Variants in MTA3 observed in about 807,000 individuals in gnomAD.
MTA3 encodes the protein metastasis associated 1 family member 3.
MTA3 carries 34 observed loss-of-function variants against 83.5 expected under a neutral mutation model. That is an observed-to-expected ratio of 0.41 (90% confidence interval 0.31 to 0.54). The LOEUF (loss-of-function observed/expected upper bound fraction) is 0.54, where lower values mean the gene tolerates loss of function less well. MTA3 is among the 20% of genes least tolerant of loss of function. MTA3 has a pLI of 0.33. For synonymous variants in MTA3, 303 were observed against 252.7 expected (o/e 1.20, Z -1.89); for missense variants, 761 against 726.4 (o/e 1.05, Z -0.55).
At chr2:42,647,155 T>TAAAAAAAAAAA (rs1553373420) in intron 6 of MTA3, among the ~76,000 whole-genome samples, 1 of 92,076 alleles carries the variant, frequency 1.1e-5, no homozygotes, top group Non-Finnish European at 2.0e-5. Flanking sequence ...AGACTCTGTC[T>TAAAAAAAAAAA]AAAAAAAAAA....
At chr2:42,675,789 G>C (rs771472394) in intron 8 of MTA3, among the ~76,000 whole-genome samples, 21 of 152,116 alleles carry the variant, frequency 1.4e-4, no homozygotes, top group East Asian at 3.9e-4. Flanking sequence ...TTCTCTACTG[G>C]ATTTTGTCTC....
rs577044307 is a variant in MTA3 at position 42,734,498 on chromosome 2, A to G, written c.1759+11463A>G. Among the ~76,000 whole-genome samples, 103 of 126,440 alleles carry G rather than the reference A, an allele frequency of 8.1e-4. 2 individuals are homozygous for G. The highest frequency in any genetic ancestry group is 2.6e-3 in the African/African-American group (89 of 33,968). The allele number at this position is 126,440 out of a possible 152,430, so 82.9% of individuals were successfully genotyped here. A position where few individuals can be genotyped will look rare whatever the true frequency, so the allele number is the denominator to read the frequency against. On this transcript the variant is annotated intron_variant, in intron 16 of 16. Coordinates refer to ENST00000405094, the MANE Select transcript of MTA3 (RefSeq NM_001330442.2). The stretch of plus-strand genomic sequence containing the variant: ...TTTTTTTTTTTTTTTTTTTTAATCC[A>G]TTCAACCACTTTATGTCTTTTGGTT...
At chr2:42,537,128 C>T (rs1017713207) in intron 2 of MTA3, among the ~76,000 whole-genome samples, 1 of 152,162 alleles carries the variant, frequency 6.6e-6, no homozygotes, top group African/African-American at 2.4e-5. Flanking sequence ...CCACATTCTA[C>T]ACCTGTTAGG....
At chr2:42,605,849 CCCA>C (rs1683262759) in intron 3 of MTA3, among the ~76,000 whole-genome samples, 1 of 134,534 alleles carries the variant, frequency 7.4e-6, no homozygotes, top group Non-Finnish European at 1.6e-5. Flanking sequence ...GGCTGACCCC[CCCA>C]CCTCCCTCCT....
rs1375615789 is a variant in MTA3, at chr2:42,515,860, CAA to C, written c.-141+20607_-141+20608del. 2.1e-3 allele frequency among the ~76,000 whole-genome samples: 268 copies of C among 128,708 alleles called. 2 individuals are homozygous for C. The South Asian group carries it at 0.027, about 13-fold the overall frequency. The allele number at this position is 128,708 out of a possible 152,430, so 84.4% of individuals were successfully genotyped here. A position where few individuals can be genotyped will look rare whatever the true frequency, so the allele number is the denominator to read the frequency against. ...TTATGTATTTTTTTTTTTTTTGAGA[CAA>C]GAGTCTCGCTCTGTCATTCCCAGGC... On this transcript the variant is annotated intron_variant, in intron 2 of 17. Transcript: ENST00000405592.
At chr2:42,720,644 A>G (rs1439014519) in intron 15 of MTA3, among the ~76,000 whole-genome samples, 1 of 151,604 alleles carries the variant, frequency 6.6e-6, no homozygotes, top group Admixed American at 6.6e-5. Flanking sequence ...CCCACCTTGC[A>G]TGGGAAAGTT....
rs1337427375 is a variant in MTA3 at position 42,627,594 on chromosome 2, C to T, written c.318-12579C>T. Among the ~76,000 whole-genome samples the T allele has an allele frequency of 4.6e-5, 7 of 151,760 alleles. No homozygotes were observed. In the South Asian group the frequency reaches 6.2e-4, roughly 14 times the overall value. ...TTTTTTTAAATTTGAAACGGAGTCT[C>T]GCTCTGTCTCTCAGGTTGGAGTGCA... is the stretch of plus-strand genomic sequence containing the variant. On this transcript the variant is annotated intron_variant, in intron 4 of 16. Coordinates refer to ENST00000405094, the MANE Select transcript of MTA3 (RefSeq NM_001330442.2).
intron 14 of MTA3, among the ~76,000 whole-genome samples, chr2:42,711,775 A>AGTGTGTGTGT (rs372997456): frequency 1.3e-3 from 178 of 139,498 alleles, no homozygotes; most frequent in African/African-American, 4.4e-3. Flanking sequence ...TGTATAGGAG[A>AGTGTGTGTGT]GAGAGAGAGT....
intron 4 of MTA3, among the ~76,000 whole-genome samples, chr2:42,632,632 A>G (rs1686794568): frequency 6.6e-6 from 1 of 152,106 alleles, no homozygotes; most frequent in Non-Finnish European, 1.5e-5. Flanking sequence ...TTTCTTTCAT[A>G]TTTGTTATCA....
intron 7 of MTA3, chr2:42,659,391 CA>C (rs1689464317): frequency 6.6e-6 from 1 of 152,364 alleles, no homozygotes; most frequent in African/African-American, 2.4e-5. Context: ...AAAAAGTAGT[CA>C]AAACTTGCTT....
intron 3 of MTA3, among the ~76,000 whole-genome samples, chr2:42,602,064 C>T (rs1682644901): frequency 6.6e-6 from 1 of 152,214 alleles, no homozygotes. Flanking sequence ...TGGTCTCGAA[C>T]TCCTGACCTC....
rs1675754260 is a variant in MTA3 at position 42,527,172 on chromosome 2, C to T, written c.-141+31918C>T. On this transcript the variant is annotated intron_variant, in intron 2 of 17. Coordinates refer to the MTA3 transcript ENST00000405592. ...TTAACTTTGGGACTTTTGGAGCTCA[C>T]CTGAACCAATCAATCAAAGCTCAAC... is the stretch of plus-strand genomic sequence containing the variant. Among the ~76,000 whole-genome samples the T allele has an allele frequency of 1.3e-5, 2 of 151,866 alleles. 1 individual carries two copies. Among genetic ancestry groups the T allele is most frequent in the South Asian group, 4.2e-4 (2 of 4,810 alleles).
At chr2:42,712,887 CT>C (rs1666741221) in intron 14 of MTA3, 1 of 151,580 alleles carries the variant, frequency 6.6e-6, no homozygotes, top group South Asian at 2.1e-4. Context: ...TTTTTCCCCC[CT>C]GAGGTCCCTC....
Position 42,723,045 on chromosome 2 carries a change from C to T in MTA3, c.1759+10C>T, listed in dbSNP as rs62144300. 0.041 allele frequency: 63,788 copies of T among 1,549,944 alleles called. 1,492 individuals carry two copies. Among genetic ancestry groups the T allele is most frequent in the Non-Finnish European group, 0.048 (55,312 of 1,146,518 alleles). On this transcript the variant is annotated intron_variant, in intron 16 of 16. Transcript: ENST00000405094. ...CACAATGGTCTGGATGGTATGTAAG[C>T]CCAGGAATTCTGGAGGCTGTTCTGA...
chr2:42,714,447 A>C (rs1666880848), intron 14 of MTA3, among the ~76,000 whole-genome samples: 1 of 152,162 alleles, frequency 6.6e-6, no homozygotes, highest in Non-Finnish European at 1.5e-5. Context: ...CAGTTCTAGA[A>C]GCAAACTCTA....
chr2:42,713,565 C>G (rs1216737015), intron 14 of MTA3, among the ~76,000 whole-genome samples: 2 of 152,068 alleles, frequency 1.3e-5, no homozygotes, highest in East Asian at 1.9e-4. Flanking sequence ...TCATCACGTT[C>G]CTCATTCCTG....
chr2:42,601,005 C>T (rs1682499763), intron 3 of MTA3, among the ~76,000 whole-genome samples: 1 of 152,098 alleles, frequency 6.6e-6, no homozygotes, highest in South Asian at 2.1e-4. Flanking sequence ...CTCCCGGGTT[C>T]AGGTAATTCT....
intron 16 of MTA3, among the ~76,000 whole-genome samples, chr2:42,740,237 G>A (rs149309009): frequency 7.2e-5 from 11 of 152,358 alleles, no homozygotes; most frequent in African/African-American, 2.4e-4. Context: ...TTGGCTGGGC[G>A]TGGTGGTTTA....
At position 42,719,063 on chromosome 2, in the gene MTA3, T is replaced by C; in HGVS notation, c.1601T>C (p.Ile534Thr). Residue 534 changes from isoleucine (I) to threonine (T), a missense_variant, in exon 15 of 17, where the codon ATT becomes ACT. Physicochemically the swap from Ile to Thr is moderately conservative, Grantham distance 89. Coordinates refer to ENST00000405094, the MANE Select transcript of MTA3 (RefSeq NM_001330442.2). ...KSTRKPLACI[I>T]GYLEIHPAKK... ...ACTAGGAAGCCTTTGGCATGTATCA[T>C]TGGGTATTTAGGTGGGTATTTTCTA... The C allele has an allele frequency of 2.6e-6, 4 of 1,549,536 alleles. No individual in the cohort carries two copies. The highest frequency in any genetic ancestry group is 3.5e-6 in the Non-Finnish European group (4 of 1,146,048).
Sources: allele counts gnomAD v4.1 joint callset (sites outside exome capture counted in the v4.1 genomes callset), GRCh38; gene constraint gnomAD v4.1.1; transcripts MANE v1.5; gene names NCBI Gene and HGNC (gene_info 2026-07-23, HGNC 2026-07-21).